RTF1: variants seen among roughly 807,000 people sequenced by gnomAD.
The protein encoded by RTF1 is RNA polymerase-associated protein RTF1 homolog.
RTF1 carries 10 observed loss-of-function variants against 95.7 expected under a neutral mutation model. The observed-to-expected ratio is 0.10, with a 90% CI of 0.06 to 0.18. The LOEUF is 0.18. RTF1 is among the 10% of genes least tolerant of loss of function. The pLI is 1.00. For synonymous variants in RTF1, 305 were observed against 311.8 expected (o/e 0.98, Z 0.23); for missense variants, 458 against 875.6 (o/e 0.52, Z 6.02).
At position 41,480,937 on chromosome 15, in the gene RTF1, T is replaced by A. The variant is rs978444463; in HGVS notation, c.*250T>A. ...CCTGGGCTCTCTTGGGCTTTATCCA[T>A]GTCTTTAGATTTGTGTTTGCCTTTT... On this transcript the variant is annotated 3_prime_UTR_variant, in exon 18 of 18. Transcript: ENST00000389629. 2 of 500,704 alleles carry A rather than the reference T, an allele frequency of 4.0e-6. No individual in the cohort carries two copies. The highest frequency in any genetic ancestry group is 5.2e-5 in the South Asian group (2 of 38,234). 31.0% of individuals were successfully genotyped at this position (500,704 alleles called of 1,614,324 possible).
rs773247936 is a variant in RTF1 at position 41,439,864 on chromosome 15, C to G, written c.309+1433C>G. Among the ~76,000 whole-genome samples the G allele has an allele frequency of 9.5e-4, 145 of 152,192 alleles. 1 individual carries two copies. Among genetic ancestry groups the G allele is most frequent in the Non-Finnish European group, 1.3e-3 (87 of 68,008 alleles). ...ACAGGGTTTTGCCACGTTCGCCAGG[C>G]TGGTCTCAAACTTCCGACCTCAGAT... On this transcript the variant is annotated intron_variant, in intron 2 of 17. Coordinates refer to ENST00000389629, the MANE Select transcript of RTF1 (RefSeq NM_015138.5).
chr15:41,452,136 T>C (rs542770451), intron 2 of RTF1, among the ~76,000 whole-genome samples: 1 of 152,312 alleles, frequency 6.6e-6, no homozygotes, highest in African/African-American at 2.4e-5. Context: ...TAAGCAAGTT[T>C]TCAAAAATCT....
In RTF1 at chr15:41,470,374, C is replaced by T. The variant is rs532994281; in HGVS notation, c.1007C>T (p.Ser336Leu). ...EKSDRSSRTS[S>L]SDEEEEKEEI... Reference sequence around the variant, plus strand: ...TCAGACCGCTCATCACGAACATCATCGTCTGATGAAGAAGAGGAGTAAGCT... The same window carrying T: ...TCAGACCGCTCATCACGAACATCATTGTCTGATGAAGAAGAGGAGTAAGCT... Residue 336 changes from serine (S) to leucine (L), a missense_variant, in exon 7 of 18, where the codon TCG becomes TTG. Physicochemically the swap from Ser to Leu is moderately radical, Grantham distance 145 (BLOSUM62 -2). Around this residue, in one of 11 missense-constraint regions of RTF1, gnomAD observed 150 missense variants for 275.7 expected, o/e 0.54. Coordinates refer to ENST00000389629, the MANE Select transcript of RTF1 (RefSeq NM_015138.5). 8 of 1,614,040 alleles carry T rather than the reference C, an allele frequency of 5.0e-6. No individual in the cohort carries two copies. The South Asian group carries it at 7.7e-5, about 16-fold the overall frequency.
At chr15:41,435,811 C>T (rs1159925417) in intron 1 of RTF1, among the ~76,000 whole-genome samples, 1 of 152,136 alleles carries the variant, frequency 6.6e-6, no homozygotes, top group Non-Finnish European at 1.5e-5. Flanking sequence ...TTGTATAGCA[C>T]CATCATCGTT....
At chr15:41,432,357 C>T (rs1391431718) in intron 1 of RTF1, among the ~76,000 whole-genome samples, 1 of 151,682 alleles carries the variant, frequency 6.6e-6, no homozygotes, top group Non-Finnish European at 1.5e-5. Context: ...GCCACCACGC[C>T]TGGCTAATTT....
chr15:41,433,480 G>A (rs184499328), intron 1 of RTF1, among the ~76,000 whole-genome samples: 33 of 151,706 alleles, frequency 2.2e-4, no homozygotes, highest in African/African-American at 7.7e-4. Flanking sequence ...GACTACAGGC[G>A]TGCGCCACCA....
chr15:41,427,447 G>A (rs1244526161), intron 1 of RTF1, among the ~76,000 whole-genome samples: 3 of 152,092 alleles, frequency 2.0e-5, no homozygotes, highest in South Asian at 2.1e-4. Context: ...CACTGCGCCC[G>A]GCCCTACAAA....
intron 2 of RTF1, among the ~76,000 whole-genome samples, chr15:41,444,726 C>T (rs2050752260): frequency 6.6e-6 from 1 of 152,084 alleles, no homozygotes; most frequent in African/African-American, 2.4e-5. Context: ...TTCCTTTTTC[C>T]TCTGTTATAT....
intron 1 of RTF1, 24 bp downstream of exon 1, chr15:41,417,337 G>A (rs1175246045): frequency 2.4e-5 from 30 of 1,245,852 alleles, no homozygotes; most frequent in Non-Finnish European, 2.9e-5. Context: ...GCGGAGGCGC[G>A]GGCCGGCGGA....
intron 1 of RTF1, among the ~76,000 whole-genome samples, chr15:41,426,394 C>A (rs1209211084): frequency 6.6e-6 from 1 of 151,572 alleles, no homozygotes; most frequent in Non-Finnish European, 1.5e-5. Flanking sequence ...CAACCTCCCC[C>A]TCCTGGATTC....
Position 41,470,333 on chromosome 15 carries a change from C to T in RTF1, c.966C>T (p.Asp322=), listed in dbSNP as rs778413758. The change falls in exon 7 of 18, where the codon GAC becomes GAT. Residue 322 remains aspartate, a synonymous_variant. Coordinates refer to ENST00000389629, the MANE Select transcript of RTF1 (RefSeq NM_015138.5). ...YSDDEEEEED[D]KSSEKSDRSS... ...ATGATGAAGAGGAGGAAGAGGATGA[C>T]AAATCCAGTGAAAAGTCAGACCGCT... 4 of 1,614,020 alleles carry T rather than the reference C, an allele frequency of 2.5e-6. No homozygotes were observed. In the African/African-American group the frequency reaches 4.0e-5, roughly 16 times the overall value.
intron 3 of RTF1, among the ~76,000 whole-genome samples, chr15:41,453,463 T>TA (rs2050798007): frequency 6.6e-6 from 1 of 152,154 alleles, no homozygotes; most frequent in Non-Finnish European, 1.5e-5. Flanking sequence ...CAATGGCTCA[T>TA]ATTTGTAATC....
chr15:41,475,772 A>G lies in RTF1; in HGVS notation c.1435A>G (p.Ile479Val), dbSNP rs2050939230. The G allele has an allele frequency of 1.2e-6, 2 of 1,608,746 alleles. No homozygotes were observed. The highest frequency in any genetic ancestry group is 1.7e-6 in the Non-Finnish European group (2 of 1,175,978). Residue 479 changes from isoleucine (I) to valine (V), a missense_variant, in exon 11 of 18, where the codon ATT (isoleucine) becomes GTT (valine). By Grantham distance (29) the Ile-to-Val change is conservative. This residue lies in a region of RTF1 where 150 missense variants were observed against 275.7 expected (regional missense o/e 0.54). Transcript: ENST00000389629. The stretch of plus-strand genomic sequence containing the variant: ...TGAAATCAATAAAAAGGAATTATCT[A>G]TTAAAGAAGCTCTTAATTATAAATT... ...LDEINKKELS[I>V]KEALNYKFND...
chr15:41,418,990 A>G (rs949962407), intron 1 of RTF1, among the ~76,000 whole-genome samples: 1 of 152,144 alleles, frequency 6.6e-6, no homozygotes, highest in African/African-American at 2.4e-5. Flanking sequence ...GGTGCTGTAG[A>G]AAGAAGACTG....
intron 1 of RTF1, 27 bp from the exon 2 acceptor site, chr15:41,438,294 C>T: frequency 6.9e-7 from 1 of 1,447,012 alleles, no homozygotes; most frequent in African/African-American, 1.4e-5. Flanking sequence ...TTGAACAAAA[C>T]TGATGTGCCT....
At chr15:41,477,053 T>C in intron 12 of RTF1, 112 bp from the exon 13 acceptor site, 2 of 1,344,942 alleles carry the variant, frequency 1.5e-6, no homozygotes, top group South Asian at 2.4e-5. Flanking sequence ...ACATCTCCTG[T>C]CCTTTGCTCA....
chr15:41,460,169 C>A (rs1050268168), intron 4 of RTF1, among the ~76,000 whole-genome samples: 1 of 149,624 alleles, frequency 6.7e-6, no homozygotes, highest in Non-Finnish European at 1.5e-5. Context: ...GTTGCCCAGG[C>A]TGGAGTGCAA....
At chr15:41,459,847 G>A (rs2050838485) in intron 4 of RTF1, among the ~76,000 whole-genome samples, 1 of 152,168 alleles carries the variant, frequency 6.6e-6, no homozygotes, top group South Asian at 2.1e-4. Context: ...TATGGCAGTA[G>A]TTCTTCCTTA....
chr15:41,477,739 A>G (rs2050948929), intron 14 of RTF1, among the ~76,000 whole-genome samples: 1 of 152,290 alleles, frequency 6.6e-6, no homozygotes, highest in South Asian at 2.1e-4. Flanking sequence ...ATTCTACTCC[A>G]CAGGTATTTG....
Sources: allele counts gnomAD v4.1 joint callset (sites outside exome capture counted in the v4.1 genomes callset), GRCh38; gene constraint gnomAD v4.1.1; regional missense constraint gnomAD v4.1.1; transcripts MANE v1.5; gene names NCBI Gene and HGNC (gene_info 2026-07-23, HGNC 2026-07-21).